The following CFDP1 variants were observed in gnomAD, a reference collection of about 807,000 sequenced individuals.
CFDP1 encodes the protein heterochromatin-stabilizing protein CFDP1.
Under a neutral mutation model 40.1 loss-of-function variants are expected in CFDP1, and 31 were observed. That is an observed-to-expected ratio of 0.77 (90% CI 0.58 to 1.04). CFDP1 has a LOEUF of 1.04. CFDP1 is among the 50% of genes least tolerant of loss of function. The probability of loss-of-function intolerance (pLI) is 0.00; values close to 1 mark genes in which losing one functional copy is unlikely to be tolerated. For missense variants in CFDP1, 423 were observed against 343.4 expected (o/e 1.23, Z -1.83); for synonymous variants, 167 against 120.0 (o/e 1.39, Z -2.56).
At chr16:75,338,665 T>G (rs990987216) in intron 5 of CFDP1, among the ~76,000 whole-genome samples, 1 of 152,200 alleles carries the variant, frequency 6.6e-6, no homozygotes, top group South Asian at 2.1e-4. Flanking sequence ...TCTATTCTTT[T>G]TGATCCCCCC....
intron 4 of CFDP1, among the ~76,000 whole-genome samples, chr16:75,403,867 C>A (rs1321798567): frequency 6.6e-6 from 1 of 152,074 alleles, no homozygotes; most frequent in Non-Finnish European, 1.5e-5. Flanking sequence ...CATGGTGGCT[C>A]ACACCTGTAA....
intron 4 of CFDP1, among the ~76,000 whole-genome samples, chr16:75,402,043 A>G (rs981804078): frequency 6.6e-6 from 1 of 152,216 alleles, no homozygotes; most frequent in African/African-American, 2.4e-5. Context: ...ACTAGGAAAC[A>G]CTGGTATATT....
At chr16:75,365,260 T>C (rs956256799) in intron 5 of CFDP1, among the ~76,000 whole-genome samples, 4 of 152,144 alleles carry the variant, frequency 2.6e-5, no homozygotes, top group African/African-American at 4.8e-5. Context: ...TGGAATAACA[T>C]AGTAATAAAG....
chr16:75,330,725 A>G (rs1432851733), intron 5 of CFDP1, among the ~76,000 whole-genome samples: 2 of 152,180 alleles, frequency 1.3e-5, no homozygotes, highest in Non-Finnish European at 2.9e-5. Context: ...GCTCTTTTCC[A>G]TTGGAAAAGC....
At position 75,307,750 on chromosome 16, in the gene CFDP1, G is replaced by A. The variant is rs889971645; in HGVS notation, c.651-2568C>T. 2.0e-5 allele frequency among the ~76,000 whole-genome samples: 3 copies of A among 152,084 alleles called. No homozygotes were observed. In the East Asian group the frequency reaches 5.8e-4, roughly 29 times the overall value. On this transcript the variant is annotated intron_variant, in intron 5 of 6. Transcript: ENST00000283882. ...TCTTTTTTATGTTTTGTAGAGACAG[G>A]GTCTTGCTATGTTGCCCAAGGCTGG...
At chr16:75,296,366 T>C (rs531108220) in intron 6 of CFDP1, among the ~76,000 whole-genome samples, 2 of 152,206 alleles carry the variant, frequency 1.3e-5, no homozygotes, top group South Asian at 2.1e-4. Flanking sequence ...GCCTCTCAGG[T>C]AGCTGGGACC....
At chr16:75,355,138 C>G (rs1313494108) in intron 5 of CFDP1, among the ~76,000 whole-genome samples, 1 of 152,178 alleles carries the variant, frequency 6.6e-6, no homozygotes, top group South Asian at 2.1e-4. Context: ...TCATCTGAGC[C>G]TTCAGTGAAT....
intron 4 of CFDP1, among the ~76,000 whole-genome samples, chr16:75,398,292 C>T (rs2079014984): frequency 6.6e-6 from 1 of 152,174 alleles, no homozygotes; most frequent in Non-Finnish European, 1.5e-5. Flanking sequence ...TGAGATTAAG[C>T]AGCAATGCTA....
intron 5 of CFDP1, among the ~76,000 whole-genome samples, chr16:75,319,521 C>A (rs776344835): frequency 6.6e-6 from 1 of 152,040 alleles, no homozygotes; most frequent in Non-Finnish European, 1.5e-5. Context: ...CAGCACTTAG[C>A]GCTCCTGCTA....
In CFDP1 at chr16:75,400,584, A is replaced by G. The variant is rs188076904; in HGVS notation, c.531-5375T>C. ...AGGCTACTGCTCTACCCCATCCCCA[A>G]TCCAGCAGAACCCATTACTCTGGAG... is the stretch of plus-strand genomic sequence containing the variant. On this transcript the variant is annotated intron_variant, in intron 4 of 6. Coordinates refer to ENST00000283882, the MANE Select transcript of CFDP1 (RefSeq NM_006324.3). Among the ~76,000 whole-genome samples the G allele has an allele frequency of 4.9e-4, 75 of 152,200 alleles. No homozygotes were observed. In the East Asian group the frequency reaches 0.014, roughly 29 times the overall value.
intron 6 of CFDP1, among the ~76,000 whole-genome samples, chr16:75,298,634 A>G (rs1246858060): frequency 3.3e-5 from 5 of 152,252 alleles, no homozygotes; most frequent in African/African-American, 1.2e-4. Context: ...GGAATGATGT[A>G]CAGAGATACA....
chr16:75,392,854 A>G (rs757102011), intron 5 of CFDP1, among the ~76,000 whole-genome samples: 21 of 152,350 alleles, frequency 1.4e-4, no homozygotes, highest in African/African-American at 2.4e-4. Context: ...AGCTGCCTTC[A>G]TCTGATTTTA....
chr16:75,345,236 C>A (rs2078554158), intron 5 of CFDP1, among the ~76,000 whole-genome samples: 1 of 151,954 alleles, frequency 6.6e-6, no homozygotes, highest in Non-Finnish European at 1.5e-5. Context: ...GCAGGTGGAT[C>A]ACTTAAGGTC....
chr16:75,363,779 T>C (rs957401777), intron 5 of CFDP1, among the ~76,000 whole-genome samples: 7 of 152,198 alleles, frequency 4.6e-5, no homozygotes, highest in African/African-American at 1.4e-4. Flanking sequence ...AGCACTGACA[T>C]AGGAAATTGA....
At chr16:75,331,073 A>G (rs2151514975) in intron 5 of CFDP1, among the ~76,000 whole-genome samples, 1 of 152,016 alleles carries the variant, frequency 6.6e-6, no homozygotes, top group East Asian at 1.9e-4. Flanking sequence ...CTCTGCCACA[A>G]GGCTCTGCTT....
intron 5 of CFDP1, among the ~76,000 whole-genome samples, chr16:75,305,890 T>C (rs1203441210): frequency 6.6e-6 from 1 of 152,224 alleles, no homozygotes; most frequent in Non-Finnish European, 1.5e-5. Flanking sequence ...ACACGGGGAA[T>C]GTACAGCCTG....
chr16:75,392,021 CT>C (rs1318692306), intron 5 of CFDP1, among the ~76,000 whole-genome samples: 2 of 151,978 alleles, frequency 1.3e-5, no homozygotes, highest in Non-Finnish European at 2.9e-5. Context: ...CTGAAGAGAA[CT>C]CCCTGCAAAC....
intron 5 of CFDP1, among the ~76,000 whole-genome samples, chr16:75,323,249 A>C (rs1005562002): frequency 1.3e-5 from 2 of 151,852 alleles, no homozygotes; most frequent in Admixed American, 6.6e-5. Context: ...AACTAAGACA[A>C]ACACACACAT....
At chr16:75,370,680 T>C (rs974558556) in intron 5 of CFDP1, among the ~76,000 whole-genome samples, 4 of 152,164 alleles carry the variant, frequency 2.6e-5, no homozygotes, top group South Asian at 2.1e-4. Flanking sequence ...CTGGCCAACA[T>C]GGCAAAACCC....
Sources: gnomAD v4.1 joint callset for allele counts (sites outside exome capture counted in the v4.1 genomes callset) on GRCh38, gnomAD v4.1.1 for gene constraint, MANE v1.5 for transcripts, NCBI Gene and HGNC (gene_info 2026-07-23, HGNC 2026-07-21) for gene names.